VPS13B: variants seen among roughly 807,000 people sequenced by gnomAD.
The protein encoded by VPS13B is vacuolar protein sorting 13 homolog B.
VPS13B carries 285 observed loss-of-function variants against 426.4 expected under a neutral mutation model. The observed-to-expected ratio is 0.67, with a 90% CI of 0.61 to 0.74. VPS13B has a LOEUF of 0.74. Among genes scored for constraint, VPS13B ranks in the 30% least tolerant of loss-of-function variants. The probability of loss-of-function intolerance (pLI) is 0.00; values close to 1 mark genes in which losing one functional copy is unlikely to be tolerated. For synonymous variants in VPS13B, 1,676 were observed against 1,676.4 expected (o/e 1.00, Z 0.01); for missense variants, 4,537 against 4,782.6 (o/e 0.95, Z 1.51).
intron 15 of VPS13B, 25 bp downstream of exon 15, chr8:99,156,768 T>C: frequency 6.2e-7 from 1 of 1,613,054 alleles, no homozygotes; most frequent in Non-Finnish European, 8.5e-7. Flanking sequence ...TTTTCTTGTT[T>C]GTTAGCATGG....
At chr8:99,608,890 A>T (rs140903323) in intron 33 of VPS13B, among the ~76,000 whole-genome samples, 2,117 of 152,030 alleles carry the variant, frequency 0.014, 50 homozygotes, top group African/African-American at 0.047. Flanking sequence ...GTTTTTTAAA[A>T]ATATATATAT....
intron 19 of VPS13B, among the ~76,000 whole-genome samples, chr8:99,331,136 C>G (rs549297226): frequency 6.6e-6 from 1 of 151,906 alleles, no homozygotes; most frequent in Admixed American, 6.6e-5. Context: ...TCTTACTTAT[C>G]TGGTTTGTGG....
intron 33 of VPS13B, among the ~76,000 whole-genome samples, chr8:99,628,343 A>G (rs912614925): frequency 1.3e-5 from 2 of 152,182 alleles, no homozygotes; most frequent in African/African-American, 4.8e-5. Flanking sequence ...ACATTCATGT[A>G]TTGATGAAGA....
chr8:99,823,703 G>A, intron 50 of VPS13B, 129 bp from the exon 51 acceptor site: 1 of 988,420 alleles, frequency 1.0e-6, no homozygotes, highest in Non-Finnish European at 1.6e-6. Flanking sequence ...AATATTCTGG[G>A]GAAAAACAAA....
intron 30 of VPS13B, among the ~76,000 whole-genome samples, chr8:99,539,304 G>A (rs1823425976): frequency 6.6e-6 from 1 of 152,056 alleles, no homozygotes. Context: ...TATACAACAT[G>A]TATAATTCAA....
At chr8:99,399,206 A>G (rs1814906131) in intron 21 of VPS13B, among the ~76,000 whole-genome samples, 1 of 152,188 alleles carries the variant, frequency 6.6e-6, no homozygotes, top group South Asian at 2.1e-4. Flanking sequence ...AGAGAATTTA[A>G]TGAAAATATA....
At chr8:99,675,953 G>C (rs1830915623) in intron 35 of VPS13B, among the ~76,000 whole-genome samples, 1 of 151,572 alleles carries the variant, frequency 6.6e-6, no homozygotes, top group Non-Finnish European at 1.5e-5. Flanking sequence ...ATTTTTCAGG[G>C]GTCGGTCACT....
intron 43 of VPS13B, among the ~76,000 whole-genome samples, chr8:99,793,281 AT>A (rs1237198478): frequency 5.5e-5 from 8 of 145,404 alleles, no homozygotes; most frequent in African/African-American, 1.8e-4. Flanking sequence ...ATATATATAT[AT>A]ATAAAATACA....
Position 99,598,061 on chromosome 8 carries a change from CAGAT to C in VPS13B, c.5220+20431_5220+20434del, listed in dbSNP as rs1437305368. On this transcript the variant is annotated intron_variant, in intron 33 of 61. Transcript: ENST00000357162. ...TGGCTAACTCCATGTTTGAGGGAGA[CAGAT>C]AGGTTAAGTACATACCATGGAGTGC... Among the ~76,000 whole-genome samples the C allele has an allele frequency of 4.6e-5, 7 of 152,122 alleles. No individual in the cohort carries two copies. The East Asian group carries it at 1.2e-3, about 25-fold the overall frequency.
chr8:99,036,431 C>T (rs1396693354), intron 2 of VPS13B, among the ~76,000 whole-genome samples: 1 of 152,042 alleles, frequency 6.6e-6, no homozygotes, highest in East Asian at 1.9e-4. Context: ...AAAGAAAATT[C>T]CTTTTTTGGT....
intron 19 of VPS13B, among the ~76,000 whole-genome samples, chr8:99,281,488 G>A (rs893744849): frequency 6.6e-6 from 1 of 152,216 alleles, no homozygotes; most frequent in African/African-American, 2.4e-5. Flanking sequence ...CATGCTTCCT[G>A]TTATAAAACA....
At chr8:99,863,005 T>C (rs976487143) in intron 58 of VPS13B, among the ~76,000 whole-genome samples, 2 of 152,122 alleles carry the variant, frequency 1.3e-5, no homozygotes, top group African/African-American at 4.8e-5. Context: ...GGTGACTCCT[T>C]TGGGGAAGGT....
chr8:99,850,937 A>G (rs1040895840), intron 55 of VPS13B, among the ~76,000 whole-genome samples: 1 of 152,178 alleles, frequency 6.6e-6, no homozygotes, highest in African/African-American at 2.4e-5. Flanking sequence ...GAAAAAAAAC[A>G]AAACAAAACA....
In VPS13B at chr8:99,507,003, T is replaced by C. The variant is rs144369384; in HGVS notation, c.4158-134T>C. ...GTGCTAATGTAAATTGTTCTATTGA[T>C]TGCATTGTCAGATTTATGTTTTAGT... On this transcript the variant is annotated intron_variant, in intron 27 of 61. Coordinates refer to ENST00000357162, the MANE Select transcript of VPS13B (RefSeq NM_152564.5). 1.7e-5 allele frequency: 15 copies of C among 877,710 alleles called. No homozygotes were observed. The East Asian group carries it at 3.8e-4, about 22-fold the overall frequency. 54.4% of individuals were successfully genotyped at this position (877,710 alleles called of 1,614,324 possible). A position where few individuals can be genotyped will look rare whatever the true frequency, so the allele number is the denominator to read the frequency against.
At chr8:99,161,473 G>T (rs182932880) in intron 15 of VPS13B, among the ~76,000 whole-genome samples, 5 of 152,184 alleles carry the variant, frequency 3.3e-5, no homozygotes, top group African/African-American at 1.2e-4. Context: ...ACTTCTTCAC[G>T]ATTTCTACTT....
chr8:99,468,439 A>C (rs1819226729), intron 24 of VPS13B, among the ~76,000 whole-genome samples: 1 of 151,984 alleles, frequency 6.6e-6, no homozygotes. Context: ...CTTTTTAAAA[A>C]TATTATTTTT....
chr8:99,418,095 GCTT>G (rs1458392635), intron 21 of VPS13B, among the ~76,000 whole-genome samples: 3 of 152,088 alleles, frequency 2.0e-5, no homozygotes, highest in Non-Finnish European at 4.4e-5. Flanking sequence ...AAATCTCAAA[GCTT>G]CTTCAAATAA....
At chr8:99,420,422 C>T (rs187966880) in intron 21 of VPS13B, among the ~76,000 whole-genome samples, 11 of 152,068 alleles carry the variant, frequency 7.2e-5, no homozygotes, top group Non-Finnish European at 1.3e-4. Context: ...GGTTCCAGTT[C>T]GACTTGAAGA....
intron 34 of VPS13B, among the ~76,000 whole-genome samples, chr8:99,661,103 A>T (rs1222263847): frequency 1.3e-5 from 2 of 152,144 alleles, no homozygotes; most frequent in Non-Finnish European, 2.9e-5. Flanking sequence ...TTGTGATATG[A>T]ATTCAGATTT....
Sources: gnomAD v4.1 joint callset for allele counts (sites outside exome capture counted in the v4.1 genomes callset) on GRCh38, gnomAD v4.1.1 for gene constraint, MANE v1.5 for transcripts, NCBI Gene and HGNC (gene_info 2026-07-23, HGNC 2026-07-21) for gene names.